The following IGF2BP1 variants were observed in gnomAD, a reference collection of about 807,000 sequenced individuals.
IGF2BP1 encodes the protein insulin-like growth factor 2 mRNA-binding protein 1.
In IGF2BP1, 11 loss-of-function variants were observed where a neutral mutation model predicts 74.9. The observed-to-expected ratio is 0.15, with a 90% CI of 0.09 to 0.24. The LOEUF is 0.24. IGF2BP1 is among the 10% of genes least tolerant of loss of function. The pLI is 1.00. For synonymous variants in IGF2BP1, 287 were observed against 281.8 expected (o/e 1.02, Z -0.18); for missense variants, 440 against 757.4 (o/e 0.58, Z 4.92).
In IGF2BP1 at chr17:49,012,218, T is replaced by G. The variant is rs140900296; in HGVS notation, c.236+13049T>G. Among the ~76,000 whole-genome samples the G allele has an allele frequency of 7.0e-4, 106 of 152,204 alleles. 7 individuals are homozygous for G. In the East Asian group the frequency reaches 0.02, roughly 29 times the overall value. On this transcript the variant is annotated intron_variant, in intron 2 of 14. Transcript: ENST00000290341. ...CCGTGCCCGGCCAGTTGAAGAAAATTGAGATGGATGGGTCCAAATTTTCTC... is the reference window on the plus strand; with the variant it reads ...CCGTGCCCGGCCAGTTGAAGAAAATGGAGATGGATGGGTCCAAATTTTCTC...
At chr17:49,037,215 C>T in intron 5 of IGF2BP1, 2 of 471,400 alleles carry the variant, frequency 4.2e-6, no homozygotes, top group South Asian at 3.8e-5. Context: ...GTGTTCTGAA[C>T]AACTTCAAGA....
chr17:49,007,413 G>A (rs879844184), intron 2 of IGF2BP1, among the ~76,000 whole-genome samples: 6 of 152,138 alleles, frequency 3.9e-5, no homozygotes, highest in Admixed American at 2.0e-4. Flanking sequence ...CAAAGGCTGC[G>A]TGCCATAATG....
At chr17:49,005,811 T>C (rs1407314870) in intron 2 of IGF2BP1, among the ~76,000 whole-genome samples, 9 of 152,126 alleles carry the variant, frequency 5.9e-5, no homozygotes, top group Admixed American at 5.9e-4. Flanking sequence ...TCTGCAATCC[T>C]AGCACTTCTG....
At chr17:49,025,574 T>C (rs2041842422) in intron 2 of IGF2BP1, 44 bp from the exon 3 acceptor site, 11 of 1,576,036 alleles carry the variant, frequency 7.0e-6, no homozygotes, top group Non-Finnish European at 9.6e-6. Context: ...AGACCCCTAA[T>C]GTATTCAGAG....
At chr17:49,044,886 A>G in intron 11 of IGF2BP1, 105 bp from the exon 12 acceptor site, 1 of 915,596 alleles carries the variant, frequency 1.1e-6, no homozygotes, top group Non-Finnish European at 1.8e-6. Context: ...AGTCTTCAGA[A>G]TGGGTAGTTG....
chr17:49,040,051 A>G lies in IGF2BP1; in HGVS notation c.778A>G (p.Ile260Val). 1.2e-6 allele frequency: 2 copies of G among 1,614,032 alleles called. No homozygotes were observed. The highest frequency in any genetic ancestry group is 1.1e-5 in the South Asian group (1 of 91,062). The change falls in exon 7 of 15, where the codon ATC becomes GTC. Residue 260 changes from isoleucine (I) to valine (V), a missense_variant. Coordinates refer to ENST00000290341, the MANE Select transcript of IGF2BP1 (RefSeq NM_006546.4). ...GGGCTGCTCCTCCGCTTGTAAGATG[A>G]TCTTGGAGATTATGCATAAAGAGGC... ...PEGCSSACKM[I>V]LEIMHKEAKD...
intron 2 of IGF2BP1, among the ~76,000 whole-genome samples, chr17:49,019,940 A>ATATT (rs2041764336): frequency 2.0e-5 from 1 of 49,894 alleles, no homozygotes; most frequent in Admixed American, 2.0e-4. Flanking sequence ...ATATATATAT[A>ATATT]TATATATATT....
chr17:49,041,809 C>T (rs1443753585), intron 8 of IGF2BP1, among the ~76,000 whole-genome samples: 2 of 152,182 alleles, frequency 1.3e-5, no homozygotes, highest in Non-Finnish European at 1.5e-5. Flanking sequence ...GGATTCAGGG[C>T]TTTAGGCTTG....
chr17:49,046,091 C>T, intron 13 of IGF2BP1, 70 bp downstream of exon 13: 1 of 1,568,494 alleles, frequency 6.4e-7, no homozygotes. Flanking sequence ...CTCTGGTCTC[C>T]TGTACTGCTC....
chr17:49,045,158 T>C, intron 12 of IGF2BP1, 93 bp downstream of exon 12: 1 of 1,077,382 alleles, frequency 9.3e-7, no homozygotes, highest in Non-Finnish European at 1.4e-6. Context: ...CAGTTTCCCG[T>C]TAGCTGTCAA....
intron 2 of IGF2BP1, among the ~76,000 whole-genome samples, chr17:49,000,498 TAA>T (rs1257548065): frequency 6.6e-6 from 1 of 152,172 alleles, no homozygotes; most frequent in Admixed American, 6.5e-5. Flanking sequence ...GAGTTAGGAG[TAA>T]AGAGGCAATA....
chr17:49,031,264 C>CG (rs2041918342), intron 4 of IGF2BP1, among the ~76,000 whole-genome samples: 1 of 152,000 alleles, frequency 6.6e-6, no homozygotes. Flanking sequence ...TGCACCACCA[C>CG]GCCAGGCTAA....
chr17:49,037,664 T>G (rs978672914), intron 5 of IGF2BP1, among the ~76,000 whole-genome samples: 1 of 152,246 alleles, frequency 6.6e-6, no homozygotes, highest in Non-Finnish European at 1.5e-5. Flanking sequence ...CAATCTCCTT[T>G]GACCTTGGTT....
At position 49,001,984 on chromosome 17, in the gene IGF2BP1, C is replaced by T. The variant is rs181987725; in HGVS notation, c.236+2815C>T. Among the ~76,000 whole-genome samples, 4 of 152,118 alleles carry T rather than the reference C, an allele frequency of 2.6e-5. No homozygotes were observed. The East Asian group carries it at 7.7e-4, about 29-fold the overall frequency. ...ATGTGACCTAAAGATAGCATATTCA[C>T]TGTCAACTGGTGTCATCAAAATAAA... On this transcript the variant is annotated intron_variant, in intron 2 of 14. Coordinates refer to ENST00000290341, the MANE Select transcript of IGF2BP1 (RefSeq NM_006546.4).
At chr17:49,024,695 G>GT (rs1278512492) in intron 2 of IGF2BP1, among the ~76,000 whole-genome samples, 1 of 152,042 alleles carries the variant, frequency 6.6e-6, no homozygotes, top group African/African-American at 2.4e-5. Flanking sequence ...TGGAGCATAG[G>GT]TTTAAATCCA....
At chr17:49,003,677 T>C (rs1370524326) in intron 2 of IGF2BP1, among the ~76,000 whole-genome samples, 2 of 151,426 alleles carry the variant, frequency 1.3e-5, no homozygotes, top group African/African-American at 2.4e-5. Flanking sequence ...CAGCTTAGAA[T>C]TTGGGATGGG....
In IGF2BP1 at chr17:49,035,055, A is replaced by G. The variant is rs117231787; in HGVS notation, c.401+3082A>G. Among the ~76,000 whole-genome samples, 32 of 152,348 alleles carry G rather than the reference A, an allele frequency of 2.1e-4. No individual in the cohort carries two copies. The East Asian group carries it at 6.2e-3, about 29-fold the overall frequency. ...AACTTACATCAAACTACGGTAGTCA[A>G]ATTAGTGTGGTACCGGCTTCAGGAT... is the stretch of plus-strand genomic sequence containing the variant. On this transcript the variant is annotated intron_variant, in intron 5 of 14. Transcript: ENST00000290341.
At chr17:49,004,070 C>T (rs890769260) in intron 2 of IGF2BP1, among the ~76,000 whole-genome samples, 2 of 152,098 alleles carry the variant, frequency 1.3e-5, no homozygotes, top group Admixed American at 6.6e-5. Context: ...CCGCCCGCCC[C>T]CGCGCCAGTC....
chr17:49,026,186 A>C (rs1465937699), intron 3 of IGF2BP1, among the ~76,000 whole-genome samples: 1 of 152,078 alleles, frequency 6.6e-6, no homozygotes, highest in Admixed American at 6.6e-5. Flanking sequence ...GTGTTTCCTA[A>C]GCCCTAAACT....
Sources: gnomAD v4.1 joint callset for allele counts (sites outside exome capture counted in the v4.1 genomes callset) on GRCh38, gnomAD v4.1.1 for gene constraint, MANE v1.5 for transcripts, NCBI Gene and HGNC (gene_info 2026-07-23, HGNC 2026-07-21) for gene names.